Variants in KDM2A observed in about 807,000 individuals in gnomAD.
The protein encoded by KDM2A is lysine-specific demethylase 2A.
KDM2A carries 3 observed loss-of-function variants against 137.3 expected under a neutral mutation model. The ratio of observed to expected loss-of-function variants is 0.02; its 90% confidence interval spans 0.01 to 0.06. KDM2A has a LOEUF of 0.06. Ranked by LOEUF, KDM2A falls within the 10% of genes least tolerant of loss-of-function variation. The pLI, the probability that KDM2A is intolerant of heterozygous loss-of-function variation, is 1.00. For missense variants in KDM2A, 738 were observed against 1,510.6 expected (o/e 0.49, Z 8.48); for synonymous variants, 512 against 541.5 (o/e 0.95, Z 0.76).
chr11:67,205,228 TTTTGA>T (rs1363901160), intron 5 of KDM2A, among the ~76,000 whole-genome samples: 1 of 152,196 alleles, frequency 6.6e-6, no homozygotes, highest in Non-Finnish European at 1.5e-5. Flanking sequence ...TTCTTGGCAG[TTTTGA>T]TTTGACATTC....
intron 2 of KDM2A, among the ~76,000 whole-genome samples, chr11:67,158,002 T>C (rs1162378994): frequency 6.6e-6 from 1 of 152,188 alleles, no homozygotes; most frequent in Non-Finnish European, 1.5e-5. Flanking sequence ...TTTCCCTGTT[T>C]GTGTTGTACA....
intron 2 of KDM2A, among the ~76,000 whole-genome samples, chr11:67,124,302 C>T (rs746676918): frequency 6.6e-6 from 1 of 151,454 alleles, no homozygotes; most frequent in African/African-American, 2.4e-5. Flanking sequence ...CCGTGCCCGG[C>T]TTCACTTTAT....
intron 2 of KDM2A, among the ~76,000 whole-genome samples, chr11:67,138,903 A>G (rs1856031150): frequency 6.6e-6 from 1 of 152,240 alleles, no homozygotes; most frequent in Non-Finnish European, 1.5e-5. Context: ...TTGGAAACAA[A>G]AAATTAACTA....
chr11:67,189,988 T>C (rs1484160453), intron 5 of KDM2A, among the ~76,000 whole-genome samples: 1 of 152,010 alleles, frequency 6.6e-6, no homozygotes, highest in African/African-American at 2.4e-5. Context: ...AAATAAAGAA[T>C]AGAAAAACAA....
chr11:67,167,137 C>T (rs150178798), intron 2 of KDM2A, among the ~76,000 whole-genome samples: 2 of 152,210 alleles, frequency 1.3e-5, no homozygotes, highest in Admixed American at 1.3e-4. Flanking sequence ...CCCAAGGAGA[C>T]AAATATATGC....
chr11:67,207,710 A>T (rs1257982486), intron 6 of KDM2A, 22 bp downstream of exon 6: 1 of 1,559,270 alleles, frequency 6.4e-7, no homozygotes, highest in Non-Finnish European at 8.7e-7. Context: ...CATTTTCTTC[A>T]TATTGTCATT....
At chr11:67,204,308 C>T (rs1385811561) in intron 5 of KDM2A, among the ~76,000 whole-genome samples, 1 of 152,078 alleles carries the variant, frequency 6.6e-6, no homozygotes, top group African/African-American at 2.4e-5. Context: ...TCTAGAATTT[C>T]ATCACCCCAA....
rs973881806 is a variant in KDM2A, at chr11:67,121,377, C to T, written c.42+19C>T. On this transcript the variant is annotated intron_variant, in intron 2 of 20. Transcript: ENST00000529006. ...GAGATTGGTTAGTATTTTCTCCCCCCACCACACCCTCCAGTTTTAAAGTAG... is the reference window on the plus strand; with the variant it reads ...GAGATTGGTTAGTATTTTCTCCCCCTACCACACCCTCCAGTTTTAAAGTAG... The T allele has an allele frequency of 5.0e-6, 8 of 1,609,014 alleles. No homozygotes were observed. The highest frequency in any genetic ancestry group is 6.8e-6 in the Non-Finnish European group (8 of 1,175,480).
intron 5 of KDM2A, among the ~76,000 whole-genome samples, chr11:67,189,945 G>A (rs1350226930): frequency 6.6e-6 from 1 of 152,046 alleles, no homozygotes; most frequent in Non-Finnish European, 1.5e-5. Context: ...TAAACCTAAA[G>A]CTAAAGGAAG....
intron 5 of KDM2A, among the ~76,000 whole-genome samples, chr11:67,189,732 C>T (rs1030597963): frequency 2.6e-5 from 4 of 151,608 alleles, no homozygotes; most frequent in African/African-American, 4.9e-5. Flanking sequence ...CCCAGCTACT[C>T]GGGAGGCTGA....
At chr11:67,127,526 T>TG (rs1855757603) in intron 2 of KDM2A, among the ~76,000 whole-genome samples, 1 of 152,100 alleles carries the variant, frequency 6.6e-6, no homozygotes, top group Non-Finnish European at 1.5e-5. Flanking sequence ...TATTATCGCA[T>TG]GTTCAATCCT....
At chr11:67,184,430 C>G (rs1857157641) in intron 5 of KDM2A, among the ~76,000 whole-genome samples, 1 of 152,084 alleles carries the variant, frequency 6.6e-6, no homozygotes, top group East Asian at 1.9e-4. Context: ...GAGTTCGAGA[C>G]CAGCCTGACC....
chr11:67,209,121 C>CG (rs1220812227), intron 6 of KDM2A, among the ~76,000 whole-genome samples: 9 of 151,562 alleles, frequency 5.9e-5, no homozygotes, highest in Non-Finnish European at 1.0e-4. Flanking sequence ...TTGTTAGAGA[C>CG]GGGGTTTCAT....
chr11:67,138,088 G>A (rs565484601), intron 2 of KDM2A, among the ~76,000 whole-genome samples: 51 of 152,028 alleles, frequency 3.4e-4, no homozygotes, highest in Admixed American at 1.3e-4. Flanking sequence ...GAACCACCGC[G>A]CCTGGCCAAA....
chr11:67,196,601 T>C (rs556779275), intron 5 of KDM2A: 11 of 377,606 alleles, frequency 2.9e-5, no homozygotes, highest in Non-Finnish European at 5.2e-5. Context: ...TAAGGACTTA[T>C]GCTAAGTGAA....
Position 67,131,216 on chromosome 11 carries a change from C to G in KDM2A, c.42+9858C>G, listed in dbSNP as rs563391570. Among the ~76,000 whole-genome samples the G allele has an allele frequency of 4.0e-5, 6 of 151,564 alleles. No homozygotes were observed. The South Asian group carries it at 1.3e-3, about 32-fold the overall frequency. ...GTGCACGCCTGTAGTCCCAGCTACT[C>G]GGGAGGCTGAGGTGGGAGAATCGCC... On this transcript the variant is annotated intron_variant, in intron 2 of 20. Transcript: ENST00000529006.
chr11:67,133,692 C>CATGCCCG (rs1855907681), intron 2 of KDM2A, among the ~76,000 whole-genome samples: 1 of 151,658 alleles, frequency 6.6e-6, no homozygotes. Flanking sequence ...CGTGAGCCAC[C>CATGCCCG]GCACCCGGCT....
In KDM2A at chr11:67,254,868, C is replaced by T. The variant is rs1229799892; in HGVS notation, c.3308-6C>T. ...AGCACTGTCATTATGTCCACTTTCC[C>T]GACAGGTTGCAATAAATTGACAGAC... On this transcript the variant is annotated splice_region_variant and splice_polypyrimidine_tract_variant and intron_variant, in intron 20 of 20. Transcript: ENST00000529006. The surrounding 1 kb of genome is among the most constrained non-coding windows in gnomAD (Gnocchi z 4.7). 8.1e-6 allele frequency: 13 copies of T among 1,612,988 alleles called. No homozygotes were observed. The highest frequency in any genetic ancestry group is 2.2e-5 in the South Asian group (2 of 91,012).
intron 2 of KDM2A, among the ~76,000 whole-genome samples, chr11:67,141,970 A>G (rs1856114476): frequency 6.6e-6 from 1 of 151,994 alleles, no homozygotes; most frequent in Admixed American, 6.6e-5. Context: ...ATATTCTCCA[A>G]TTCCATCCAT....
Sources: allele counts gnomAD v4.1 joint callset (sites outside exome capture counted in the v4.1 genomes callset), GRCh38; gene constraint gnomAD v4.1.1; non-coding constraint Gnocchi (gnomAD v3.1); transcripts MANE v1.5; gene names NCBI Gene and HGNC (gene_info 2026-07-23, HGNC 2026-07-21).